KCTD8: variants seen among roughly 807,000 people sequenced by gnomAD.
KCTD8 encodes BTB/POZ domain-containing protein KCTD8.
Under a neutral mutation model 31.5 loss-of-function variants are expected in KCTD8, and 27 were observed. The ratio of observed to expected loss-of-function variants is 0.86; its 90% confidence interval spans 0.63 to 1.18. The LOEUF (loss-of-function observed/expected upper bound fraction) is 1.18. Ranked by LOEUF, KCTD8 falls within the 50% of genes most tolerant of loss-of-function variation. The pLI, the probability that KCTD8 is intolerant of heterozygous loss-of-function variation, is 0.00. For missense variants in KCTD8, 658 were observed against 647.7 expected (o/e 1.02, Z -0.17); for synonymous variants, 290 against 280.0 (o/e 1.04, Z -0.36).
chr4:44,237,855 G>T (rs143066076), intron 1 of KCTD8, among the ~76,000 whole-genome samples: 1 of 152,124 alleles, frequency 6.6e-6, no homozygotes, highest in African/African-American at 2.4e-5. Flanking sequence ...CAGAGGTACT[G>T]CTGAGAGATT....
intron 1 of KCTD8, among the ~76,000 whole-genome samples, chr4:44,266,991 A>G (rs1447218575): frequency 6.6e-6 from 1 of 152,140 alleles, no homozygotes; most frequent in Admixed American, 6.5e-5. Context: ...TCAACGAGAC[A>G]AAAAGTTAAC....
At chr4:44,272,907 T>C (rs541657133) in intron 1 of KCTD8, among the ~76,000 whole-genome samples, 44 of 152,172 alleles carry the variant, frequency 2.9e-4, no homozygotes, top group South Asian at 4.1e-4. Flanking sequence ...GAGCATTTAA[T>C]AGGGCCAGGG....
intron 1 of KCTD8, among the ~76,000 whole-genome samples, chr4:44,429,654 T>C (rs73812289): frequency 0.1 from 15,466 of 151,882 alleles, 1,641 homozygotes; most frequent in African/African-American, 0.25. Context: ...ATGTCATTAT[T>C]GTTTTTAATT....
At chr4:44,189,222 G>C (rs1441202302) in intron 1 of KCTD8, among the ~76,000 whole-genome samples, 1 of 152,096 alleles carries the variant, frequency 6.6e-6, no homozygotes, top group Non-Finnish European at 1.5e-5. Flanking sequence ...TACTTTGTGG[G>C]TATCCCTAAT....
At chr4:44,447,278 C>T (rs968955724) in intron 1 of KCTD8, among the ~76,000 whole-genome samples, 5 of 152,346 alleles carry the variant, frequency 3.3e-5, no homozygotes, top group Admixed American at 6.5e-5. Context: ...CATCTGGGAG[C>T]GGGCTGGGCC....
chr4:44,280,793 GTA>G (rs1716885172), intron 1 of KCTD8, among the ~76,000 whole-genome samples: 1 of 152,022 alleles, frequency 6.6e-6, no homozygotes, highest in African/African-American at 2.4e-5. Flanking sequence ...TATTGAGATG[GTA>G]TTCTTGGTTG....
At chr4:44,399,444 G>A (rs949025353) in intron 1 of KCTD8, among the ~76,000 whole-genome samples, 27 of 152,266 alleles carry the variant, frequency 1.8e-4, no homozygotes, top group African/African-American at 6.5e-4. Context: ...GGAATAATTG[G>A]AGACTAAGGA....
At chr4:44,343,448 C>T (rs547446079) in intron 1 of KCTD8, among the ~76,000 whole-genome samples, 30 of 152,174 alleles carry the variant, frequency 2.0e-4, no homozygotes, top group African/African-American at 7.2e-4. Context: ...GATCACAGAT[C>T]ACTAAAACAG....
intron 1 of KCTD8, among the ~76,000 whole-genome samples, chr4:44,233,047 A>G (rs1715171336): frequency 6.6e-6 from 1 of 152,080 alleles, no homozygotes; most frequent in Admixed American, 6.6e-5. Flanking sequence ...TAAAAATTTT[A>G]AAACTGATAA....
At chr4:44,351,943 CAT>C (rs1456397500) in intron 1 of KCTD8, among the ~76,000 whole-genome samples, 1 of 151,978 alleles carries the variant, frequency 6.6e-6, no homozygotes, top group Non-Finnish European at 1.5e-5. Context: ...AAGAATAAAA[CAT>C]AAAATAAGTA....
At chr4:44,301,561 G>A (rs1356425838) in intron 1 of KCTD8, among the ~76,000 whole-genome samples, 1 of 152,068 alleles carries the variant, frequency 6.6e-6, no homozygotes, top group Admixed American at 6.6e-5. Flanking sequence ...TTTTGATGGG[G>A]TTGTTTCTTT....
At chr4:44,303,639 A>T (rs1304630554) in intron 1 of KCTD8, among the ~76,000 whole-genome samples, 1 of 151,974 alleles carries the variant, frequency 6.6e-6, no homozygotes, top group African/African-American at 2.4e-5. Context: ...AACATAGCAA[A>T]ATCCCATCTC....
intron 1 of KCTD8, among the ~76,000 whole-genome samples, chr4:44,262,960 T>G (rs1387122168): frequency 6.6e-6 from 1 of 152,130 alleles, no homozygotes; most frequent in Non-Finnish European, 1.5e-5. Flanking sequence ...TCGCTAGTAT[T>G]ATGAAATGAA....
At chr4:44,427,414 A>C (rs1721375851) in intron 1 of KCTD8, among the ~76,000 whole-genome samples, 1 of 151,526 alleles carries the variant, frequency 6.6e-6, no homozygotes, top group African/African-American at 2.4e-5. Flanking sequence ...AAAAGTGTAA[A>C]TATTAGAAGG....
At chr4:44,346,796 G>T (rs1163281057) in intron 1 of KCTD8, among the ~76,000 whole-genome samples, 1 of 152,110 alleles carries the variant, frequency 6.6e-6, no homozygotes, top group African/African-American at 2.4e-5. Context: ...ATATGTTTTA[G>T]TTAAAGGAAA....
intron 1 of KCTD8, among the ~76,000 whole-genome samples, chr4:44,336,041 T>C (rs1577622443): frequency 6.9e-6 from 1 of 145,518 alleles, no homozygotes; most frequent in East Asian, 2.0e-4. Context: ...TCCCAGCTAC[T>C]TGGGAGGCTG....
At chr4:44,227,486 C>T (rs1715000205) in intron 1 of KCTD8, among the ~76,000 whole-genome samples, 1 of 152,072 alleles carries the variant, frequency 6.6e-6, no homozygotes, top group Admixed American at 6.5e-5. Flanking sequence ...TTCTTTTAGT[C>T]CTCAACTATT....
chr4:44,288,188 T>C (rs1419347778), intron 1 of KCTD8, among the ~76,000 whole-genome samples: 1 of 152,136 alleles, frequency 6.6e-6, no homozygotes, highest in Non-Finnish European at 1.5e-5. Context: ...CACTTAAGAC[T>C]TGAACATAAT....
At chr4:44,320,145 T>C (rs1040944244) in intron 1 of KCTD8, among the ~76,000 whole-genome samples, 1 of 112,474 alleles carries the variant, frequency 8.9e-6, no homozygotes, top group Non-Finnish European at 1.6e-5. Flanking sequence ...GCCCTCACAC[T>C]GGGTGACAGA....
Sources: allele counts gnomAD v4.1 joint callset (sites outside exome capture counted in the v4.1 genomes callset), GRCh38; gene constraint gnomAD v4.1.1; transcripts MANE v1.5; gene names NCBI Gene and HGNC (gene_info 2026-07-23, HGNC 2026-07-21).